The following PAX5 variants were observed in gnomAD, a reference collection of about 807,000 sequenced individuals.
The protein encoded by PAX5 is paired box 5.
Under a neutral mutation model 43.7 loss-of-function variants are expected in PAX5, and 9 were observed. The observed-to-expected ratio is 0.21, with a 90% CI of 0.12 to 0.36. PAX5 has a LOEUF of 0.36. PAX5 is among the 10% of genes least tolerant of loss of function. PAX5 has a pLI of 1.00. For missense variants in PAX5, 383 were observed against 532.7 expected, an observed-to-expected ratio of 0.72 and a Z score of 2.77; for synonymous variants, 228 against 214.3, an observed-to-expected ratio of 1.06 and a Z score of -0.56.
chr9:36,982,140 C>T (rs1300861646), intron 5 of PAX5, among the ~76,000 whole-genome samples: 1 of 152,150 alleles, frequency 6.6e-6, no homozygotes, highest in East Asian at 1.9e-4. Flanking sequence ...TGGCACACAC[C>T]TGTAGGCCCA....
chr9:36,960,592 C>T (rs985193895), intron 6 of PAX5, among the ~76,000 whole-genome samples: 3 of 152,144 alleles, frequency 2.0e-5, no homozygotes, highest in Admixed American at 6.5e-5. Flanking sequence ...AGGAACAGGA[C>T]GAGAGGCAAG....
chr9:36,946,052 G>GC (rs1319982497), intron 6 of PAX5, among the ~76,000 whole-genome samples: 2 of 152,160 alleles, frequency 1.3e-5, no homozygotes, highest in Non-Finnish European at 2.9e-5. Context: ...ACTCTGCAGT[G>GC]CTCCATCAGG....
chr9:36,835,270 C>T lies in PAX5; in HGVS notation c.*5290G>A, dbSNP rs1436668947. On this transcript the variant is annotated 3_prime_UTR_variant, in exon 10 of 10. Transcript: ENST00000358127. ...GGCAGTGACATGATTCTGAGGTTCCCTTCAATCCTGGGGTGCCCAGGAACG... is the reference window on the plus strand; with the variant it reads ...GGCAGTGACATGATTCTGAGGTTCCTTTCAATCCTGGGGTGCCCAGGAACG... The T allele has an allele frequency of 1.7e-5, 4 of 233,044 alleles. No homozygotes were observed. The highest frequency in any genetic ancestry group is 8.8e-5 in the African/African-American group (4 of 45,344). The allele number at this position is 233,044 out of a possible 1,614,324, so 14.4% of individuals were successfully genotyped here. A position where few individuals can be genotyped will look rare whatever the true frequency, so the allele number is the denominator to read the frequency against.
chr9:36,959,458 A>G (rs1833769944), intron 6 of PAX5, among the ~76,000 whole-genome samples: 1 of 152,196 alleles, frequency 6.6e-6, no homozygotes, highest in South Asian at 2.1e-4. Flanking sequence ...CAAATGGCCC[A>G]AATTTCTCCA....
At chr9:36,922,452 C>A (rs1029758998) in intron 7 of PAX5, among the ~76,000 whole-genome samples, 4 of 152,166 alleles carry the variant, frequency 2.6e-5, no homozygotes, top group African/African-American at 7.2e-5. Context: ...CAAGAGCTGG[C>A]AGCTGAGTCT....
chr9:36,985,220 A>G (rs1403466739), intron 5 of PAX5, among the ~76,000 whole-genome samples: 2 of 152,186 alleles, frequency 1.3e-5, no homozygotes, highest in East Asian at 3.9e-4. Flanking sequence ...GACAAAGGGA[A>G]AAGCCCTCAG....
intron 5 of PAX5, among the ~76,000 whole-genome samples, chr9:36,999,046 T>C (rs538691730): frequency 1.4e-3 from 220 of 152,330 alleles, no homozygotes; most frequent in Non-Finnish European, 2.7e-3. Context: ...TCTTTTTACC[T>C]GAAACACTCA....
intron 5 of PAX5, among the ~76,000 whole-genome samples, chr9:36,983,649 T>C (rs1836128834): frequency 6.6e-6 from 1 of 152,194 alleles, no homozygotes; most frequent in Non-Finnish European, 1.5e-5. Context: ...AATTTTTGTA[T>C]TTTTTGTAGA....
At chr9:36,846,801 C>T (rs1449567870) in intron 9 of PAX5, 42 bp downstream of exon 9, 1 of 1,444,572 alleles carries the variant, frequency 6.9e-7, no homozygotes, top group Non-Finnish European at 9.7e-7. Flanking sequence ...GATGGGGTAG[C>T]TGATGGCCCA....
intron 3 of PAX5, among the ~76,000 whole-genome samples, chr9:37,013,949 C>T (rs1839178893): frequency 6.6e-6 from 1 of 152,218 alleles, no homozygotes; most frequent in Admixed American, 6.5e-5. Flanking sequence ...TCTAGTCTGA[C>T]CGACCACCTC....
chr9:37,016,219 G>T (rs1485571607), intron 2 of PAX5, among the ~76,000 whole-genome samples: 1 of 152,202 alleles, frequency 6.6e-6, no homozygotes, highest in Non-Finnish European at 1.5e-5. Flanking sequence ...TGATTTGCCA[G>T]CTCTCCCAAG....
intron 5 of PAX5, among the ~76,000 whole-genome samples, chr9:36,968,831 G>A (rs768165166): frequency 3.9e-5 from 6 of 152,152 alleles, no homozygotes; most frequent in Non-Finnish European, 8.8e-5. Flanking sequence ...GGGAGCTCAC[G>A]GCCCAGTCTA....
Position 36,835,387 on chromosome 9 carries a change from C to G in PAX5, c.*5173G>C, listed in dbSNP as rs763750026. On this transcript the variant is annotated 3_prime_UTR_variant, in exon 10 of 10. Coordinates refer to ENST00000358127, the MANE Select transcript of PAX5 (RefSeq NM_016734.3). ...CAGCTCATTTCAGAGAAGCTGTTGC[C>G]TCATCAGGGGAGCAGGCAGGCAAGG... is the stretch of plus-strand genomic sequence containing the variant. 5.6e-5 allele frequency: 13 copies of G among 232,794 alleles called. No homozygotes were observed. Among genetic ancestry groups the G allele is most frequent in the Middle Eastern group, 1.2e-3 (1 of 808 alleles). The allele number at this position is 232,794 out of a possible 1,614,324, so 14.4% of individuals were successfully genotyped here.
intron 6 of PAX5, among the ~76,000 whole-genome samples, chr9:36,925,345 C>T (rs995819439): frequency 6.6e-6 from 1 of 152,162 alleles, no homozygotes; most frequent in Non-Finnish European, 1.5e-5. Context: ...AAAGCAAGCC[C>T]AGGTCCTTCT....
chr9:36,891,154 A>C (rs964198007), intron 7 of PAX5, among the ~76,000 whole-genome samples: 9 of 152,230 alleles, frequency 5.9e-5, no homozygotes, highest in Non-Finnish European at 5.9e-5. Flanking sequence ...AAACAAAAAA[A>C]AACTTCATTT....
chr9:36,996,257 C>T (rs531865725), intron 5 of PAX5, among the ~76,000 whole-genome samples: 226 of 152,392 alleles, frequency 1.5e-3, no homozygotes, highest in African/African-American at 5.3e-3. Flanking sequence ...TACAGCCAGG[C>T]CCTGGGGCCA....
intron 4 of PAX5, among the ~76,000 whole-genome samples, chr9:37,003,538 A>C (rs533314725): frequency 6.6e-6 from 1 of 152,338 alleles, no homozygotes; most frequent in South Asian, 2.1e-4. Flanking sequence ...AGGATCATAC[A>C]GCTAATAAGA....
chr9:36,976,371 G>T (rs1835425154), intron 5 of PAX5, among the ~76,000 whole-genome samples: 1 of 152,184 alleles, frequency 6.6e-6, no homozygotes, highest in African/African-American at 2.4e-5. Context: ...TAACAACAGG[G>T]AGGGGGGTCC....
At chr9:36,938,497 C>G (rs1400681308) in intron 6 of PAX5, among the ~76,000 whole-genome samples, 1 of 152,148 alleles carries the variant, frequency 6.6e-6, no homozygotes. Flanking sequence ...AAATAGGCTT[C>G]CCACAAACAA....
Sources: gnomAD v4.1 joint callset for allele counts (sites outside exome capture counted in the v4.1 genomes callset) on GRCh38, gnomAD v4.1.1 for gene constraint, MANE v1.5 for transcripts, NCBI Gene and HGNC (gene_info 2026-07-23, HGNC 2026-07-21) for gene names.